THSD4: variants seen among roughly 807,000 people sequenced by gnomAD.
THSD4 encodes the protein thrombospondin type 1 domain containing 4, also known as thrombospondin type-1 domain-containing protein 4.
Under a neutral mutation model 119.0 loss-of-function variants are expected in THSD4, and 69 were observed. The observed-to-expected ratio is 0.58, with a 90% CI of 0.48 to 0.71. THSD4 has a LOEUF of 0.71. Ranked by LOEUF, THSD4 falls within the 30% of genes least tolerant of loss-of-function variation. The pLI is 0.00. For synonymous variants in THSD4, 524 were observed against 540.4 expected (o/e 0.97, Z 0.42); for missense variants, 1,393 against 1,391.1 (o/e 1.00, Z -0.02).
chr15:71,412,070 A>G (rs554235042), intron 7 of THSD4, among the ~76,000 whole-genome samples: 6 of 152,298 alleles, frequency 3.9e-5, no homozygotes, highest in African/African-American at 1.2e-4. Context: ...TGTTGACACC[A>G]CATGCTTCAC....
intron 7 of THSD4, among the ~76,000 whole-genome samples, chr15:71,563,582 TTTA>T (rs1371335198): frequency 6.6e-6 from 1 of 151,506 alleles, no homozygotes; most frequent in Non-Finnish European, 1.5e-5. Flanking sequence ...CATTTTACCT[TTTA>T]TTATTGATAA....
intron 7 of THSD4, among the ~76,000 whole-genome samples, chr15:71,484,387 G>T (rs182297572): frequency 3.3e-5 from 5 of 152,128 alleles, no homozygotes; most frequent in African/African-American, 7.2e-5. Context: ...TTGTTTTTTC[G>T]ATTAGATAGG....
At chr15:71,478,561 A>AT (rs528168998) in intron 7 of THSD4, among the ~76,000 whole-genome samples, 2 of 152,250 alleles carry the variant, frequency 1.3e-5, no homozygotes, top group Non-Finnish European at 2.9e-5. Flanking sequence ...GTAACCTGTT[A>AT]TAAAATAGTG....
chr15:71,576,933 C>A (rs1039942469), intron 7 of THSD4, among the ~76,000 whole-genome samples: 21 of 152,020 alleles, frequency 1.4e-4, no homozygotes, highest in African/African-American at 5.1e-4. Context: ...CTTATAATGT[C>A]TTTTATTCAG....
chr15:71,320,243 A>G (rs2140359610), intron 6 of THSD4, among the ~76,000 whole-genome samples: 1 of 152,294 alleles, frequency 6.6e-6, no homozygotes, highest in South Asian at 2.1e-4. Context: ...GTACAATTCC[A>G]TATTGCCTTA....
At chr15:71,584,674 G>A (rs558534803) in intron 7 of THSD4, among the ~76,000 whole-genome samples, 4 of 152,232 alleles carry the variant, frequency 2.6e-5, no homozygotes, top group African/African-American at 9.6e-5. Flanking sequence ...GCCATTCAAT[G>A]TCTTTTGATT....
At chr15:71,376,588 A>T (rs773396900) in intron 6 of THSD4, among the ~76,000 whole-genome samples, 3 of 152,152 alleles carry the variant, frequency 2.0e-5, no homozygotes, top group Non-Finnish European at 4.4e-5. Flanking sequence ...GAGAAAAACA[A>T]ATCTTTCCCC....
chr15:71,111,133 C>T, upstream of THSD4: 3 of 1,597,328 alleles, frequency 1.9e-6, no homozygotes, highest in African/African-American at 1.3e-5. Context: ...TGTCTTGTAC[C>T]AGGTAACAAG....
chr15:71,677,171 AG>A (rs2051669622), intron 8 of THSD4, among the ~76,000 whole-genome samples: 2 of 152,232 alleles, frequency 1.3e-5, no homozygotes, highest in African/African-American at 4.8e-5. Flanking sequence ...CTGAGGCATC[AG>A]GACAAGATGC....
At chr15:71,689,903 G>A (rs2052010538) in intron 8 of THSD4, among the ~76,000 whole-genome samples, 1 of 152,280 alleles carries the variant, frequency 6.6e-6, no homozygotes, top group East Asian at 1.9e-4. Context: ...GAGGCTTAGA[G>A]CTGACTTTTT....
At chr15:71,741,922 G>C (rs1170901066) in intron 11 of THSD4, among the ~76,000 whole-genome samples, 1 of 152,198 alleles carries the variant, frequency 6.6e-6, no homozygotes, top group Non-Finnish European at 1.5e-5. Context: ...ACAAGTGGCA[G>C]CGGCCCGTGG....
At chr15:71,604,882 C>G (rs1285893429) in intron 7 of THSD4, among the ~76,000 whole-genome samples, 1 of 151,138 alleles carries the variant, frequency 6.6e-6, no homozygotes, top group East Asian at 1.9e-4. Context: ...TACTCTTTAT[C>G]AACAATGGCA....
At chr15:71,232,659 G>A (rs976464773) in intron 4 of THSD4, among the ~76,000 whole-genome samples, 2 of 152,180 alleles carry the variant, frequency 1.3e-5, no homozygotes, top group African/African-American at 4.8e-5. Flanking sequence ...TGATGGTTGG[G>A]AAGGGTTGTG....
chr15:71,321,908 C>T (rs2045274521), intron 6 of THSD4, among the ~76,000 whole-genome samples: 2 of 151,668 alleles, frequency 1.3e-5, no homozygotes, highest in African/African-American at 4.8e-5. Context: ...TCTTAAGACC[C>T]TGAAAAGCAG....
chr15:71,368,950 T>C (rs1180286100), intron 6 of THSD4, among the ~76,000 whole-genome samples: 3 of 152,196 alleles, frequency 2.0e-5, no homozygotes, highest in African/African-American at 7.2e-5. Flanking sequence ...TTGTGTCCTC[T>C]TTTATTTTGT....
At chr15:71,609,557 GA>G (rs148116922) in intron 7 of THSD4, among the ~76,000 whole-genome samples, 4 of 151,780 alleles carry the variant, frequency 2.6e-5, no homozygotes, top group South Asian at 2.1e-4. Flanking sequence ...GAGAGTATAA[GA>G]AAAAAAACAA....
Position 71,463,249 on chromosome 15 carries a change from G to A in THSD4, c.1152+51426G>A, listed in dbSNP as rs147234274. Among the ~76,000 whole-genome samples, 4 of 152,142 alleles carry A rather than the reference G, an allele frequency of 2.6e-5. No homozygotes were observed. The South Asian group carries it at 6.2e-4, about 24-fold the overall frequency. ...CATCATATTAGTTATTTCTCCCAGCGTTGTGTCATCTGCAGTTTTGATGAG... is the reference window on the plus strand; with the variant it reads ...CATCATATTAGTTATTTCTCCCAGCATTGTGTCATCTGCAGTTTTGATGAG... On this transcript the variant is annotated intron_variant, in intron 7 of 17. Transcript: ENST00000261862.
At chr15:71,424,885 A>C (rs780313139) in intron 7 of THSD4, among the ~76,000 whole-genome samples, 1 of 152,200 alleles carries the variant, frequency 6.6e-6, no homozygotes, top group Non-Finnish European at 1.5e-5. Flanking sequence ...TTGAAAGAAC[A>C]GGGTCATGTG....
At chr15:71,325,955 A>C (rs1211917945) in intron 6 of THSD4, among the ~76,000 whole-genome samples, 7 of 152,226 alleles carry the variant, frequency 4.6e-5, no homozygotes, top group Non-Finnish European at 8.8e-5. Context: ...AATAATATGC[A>C]TGTAAAATAC....
Sources: gnomAD v4.1 joint callset for allele counts (sites outside exome capture counted in the v4.1 genomes callset) on GRCh38, gnomAD v4.1.1 for gene constraint, MANE v1.5 for transcripts, NCBI Gene and HGNC (gene_info 2026-07-23, HGNC 2026-07-21) for gene names.